Variants in LEPR observed in about 807,000 individuals in gnomAD.
LEPR encodes OB receptor.
In LEPR, 56 loss-of-function variants were observed where a neutral mutation model predicts 114.7. The observed-to-expected ratio is 0.49, with a 90% CI of 0.39 to 0.61. The LOEUF (loss-of-function observed/expected upper bound fraction) is 0.61. Ranked by LOEUF, LEPR falls within the 20% of genes least tolerant of loss-of-function variation. The pLI is 0.00. For synonymous variants in LEPR, 443 were observed against 461.4 expected, an observed-to-expected ratio of 0.96 and a Z score of 0.51; for missense variants, 1,202 against 1,352.9, an observed-to-expected ratio of 0.89 and a Z score of 1.75.
At chr1:65,635,473 AT>A (rs34778114) in intron 19 of LEPR, 1 of 694,880 alleles carries the variant, frequency 1.4e-6, no homozygotes, top group Non-Finnish European at 1.8e-6. Flanking sequence ...CATAGTAAAT[AT>A]TTTTACGTGA....
intron 19 of LEPR, chr1:65,629,261 A>G: frequency 3.0e-6 from 1 of 330,008 alleles, no homozygotes. Context: ...AAACATTAGC[A>G]CTCTTACGCT....
intron 2 of LEPR, among the ~76,000 whole-genome samples, chr1:65,503,489 T>C (rs1220755838): frequency 6.6e-6 from 1 of 150,774 alleles, no homozygotes; most frequent in Non-Finnish European, 1.5e-5. Flanking sequence ...AATAATTGTA[T>C]GTAAGCACGG....
At chr1:65,620,462 G>A (rs1276634178) in intron 17 of LEPR, among the ~76,000 whole-genome samples, 3 of 152,170 alleles carry the variant, frequency 2.0e-5, no homozygotes, top group African/African-American at 7.2e-5. Context: ...ATAAGTTTCT[G>A]CCCTTATGGA....
rs1192509977 is a variant in LEPR at position 65,601,439 on chromosome 1, G to A, written c.1042G>A (p.Val348Ile). 1 of 1,613,386 alleles carries A rather than the reference G, an allele frequency of 6.2e-7. No homozygotes were observed. The highest frequency in any genetic ancestry group is 8.5e-7 in the Non-Finnish European group (1 of 1,179,656). ...AATTCTGACAAGTGTTGGGTCTAAT[G>A]TTTCTTTTCACTGCATCTATAAGAA... ...PKILTSVGSN[V>I]SFHCIYKKEN... Residue 348 changes from valine to isoleucine, a missense_variant, in exon 9 of 20, where the codon GTT becomes ATT. Coordinates refer to ENST00000349533, the MANE Select transcript of LEPR (RefSeq NM_002303.6).
Position 65,639,868 on chromosome 1 carries a change from C to T in LEPR, c.*2853C>T, listed in dbSNP as rs1040411435. On this transcript the variant is annotated 3_prime_UTR_variant, in exon 20 of 20. Coordinates refer to ENST00000349533, the MANE Select transcript of LEPR (RefSeq NM_002303.6). ...CCCCCAAGAACAATGAAAAAGTTGA[C>T]GTACATGTCACTATGAATAGGCACC... The T allele has an allele frequency of 3.9e-5, 6 of 151,992 alleles. No individual in the cohort carries two copies. Among genetic ancestry groups the T allele is most frequent in the Non-Finnish European group, 7.4e-5 (5 of 68,000 alleles). The allele number at this position is 151,992 out of a possible 1,614,324, so 9.4% of individuals were successfully genotyped here.
At chr1:65,565,896 C>T (rs1653717338) in intron 3 of LEPR, among the ~76,000 whole-genome samples, 1 of 152,078 alleles carries the variant, frequency 6.6e-6, no homozygotes, top group African/African-American at 2.4e-5. Flanking sequence ...CACACACATA[C>T]ACAGACACAC....
At chr1:65,460,475 T>C (rs1646931121) in intron 2 of LEPR, among the ~76,000 whole-genome samples, 1 of 152,230 alleles carries the variant, frequency 6.6e-6, no homozygotes, top group African/African-American at 2.4e-5. Context: ...CTCTACTGTG[T>C]GTGCATAGAT....
At chr1:65,535,127 CATATT>C (rs775766914) in intron 2 of LEPR, among the ~76,000 whole-genome samples, 86 of 151,974 alleles carry the variant, frequency 5.7e-4, no homozygotes, top group Non-Finnish European at 1.0e-3. Context: ...GATAAACACA[CATATT>C]ATATGCATGT....
At position 65,637,349 on chromosome 1, in the gene LEPR, G is replaced by T. The variant is rs1658752588; in HGVS notation, c.*334G>T. On this transcript the variant is annotated 3_prime_UTR_variant, in exon 20 of 20. Transcript: ENST00000349533. Reference sequence around the variant, plus strand: ...GCGTGTTGTTTTACCTCAAGTTTTTGTTTTGTACCAACACACACACACACA... The same window carrying T: ...GCGTGTTGTTTTACCTCAAGTTTTTTTTTTGTACCAACACACACACACACA... 4.7e-6 allele frequency: 1 copy of T among 210,880 alleles called. No homozygotes were observed. Among genetic ancestry groups the T allele is most frequent in the Non-Finnish European group, 9.0e-6 (1 of 110,714 alleles). 13.1% of individuals were successfully genotyped at this position (210,880 alleles called of 1,614,324 possible).
At chr1:65,421,666 G>A (rs530274975) in intron 1 of LEPR, among the ~76,000 whole-genome samples, 3 of 152,260 alleles carry the variant, frequency 2.0e-5, no homozygotes, top group Non-Finnish European at 2.9e-5. Flanking sequence ...ACATTTTATC[G>A]TTATTTCTGG....
chr1:65,604,606 C>T (rs764516434), intron 10 of LEPR, among the ~76,000 whole-genome samples: 5 of 152,158 alleles, frequency 3.3e-5, no homozygotes, highest in Admixed American at 2.0e-4. Flanking sequence ...CATGAGCCAC[C>T]GCACCGGGCC....
At chr1:65,425,141 C>T (rs933211861) in intron 1 of LEPR, among the ~76,000 whole-genome samples, 162 bp from the exon 2 acceptor site, 2 of 151,892 alleles carry the variant, frequency 1.3e-5, no homozygotes, top group African/African-American at 4.8e-5. Flanking sequence ...TTAGTATATT[C>T]AGAAGGTTAT....
chr1:65,448,642 C>A (rs1215212754), intron 2 of LEPR, among the ~76,000 whole-genome samples: 1 of 152,170 alleles, frequency 6.6e-6, no homozygotes, highest in East Asian at 1.9e-4. Flanking sequence ...GTGAAACTAT[C>A]TAGGCCTTGT....
chr1:65,605,481 T>C (rs1405452606), intron 11 of LEPR, among the ~76,000 whole-genome samples: 1 of 152,310 alleles, frequency 6.6e-6, no homozygotes, highest in South Asian at 2.1e-4. Context: ...TTAGATGAAA[T>C]ACATGGGTCA....
At chr1:65,580,622 C>T (rs907617090) in intron 5 of LEPR, among the ~76,000 whole-genome samples, 1 of 152,132 alleles carries the variant, frequency 6.6e-6, no homozygotes, top group Non-Finnish European at 1.5e-5. Context: ...TTATTAGGTG[C>T]CTACTGTGTG....
At chr1:65,435,007 G>T (rs55655800) in intron 2 of LEPR, 62,011 of 985,304 alleles carry the variant, frequency 0.063, 2,339 homozygotes, top group African/African-American at 0.16. Context: ...CTGCACCTGC[G>T]TTTTTAGAGA....
chr1:65,517,534 G>T (rs1176810271), intron 2 of LEPR, among the ~76,000 whole-genome samples: 1 of 152,228 alleles, frequency 6.6e-6, no homozygotes, highest in African/African-American at 2.4e-5. Flanking sequence ...GGAAGAATTG[G>T]TCATGTTCTA....
chr1:65,531,104 ACCTGATCATTCTGCTTG>A (rs1650363782), intron 2 of LEPR, among the ~76,000 whole-genome samples: 1 of 152,100 alleles, frequency 6.6e-6, no homozygotes, highest in Non-Finnish European at 1.5e-5. Context: ...CCAAGGCCCT[ACCTGATCATTCTGCTTG>A]CCACTTTACC....
Position 65,420,681 on chromosome 1 carries a change from C to G in LEPR, c.-156C>G. 6.4e-7 allele frequency: 1 copy of G among 1,566,182 alleles called. No individual in the cohort carries two copies. Among genetic ancestry groups the G allele is most frequent in the Non-Finnish European group, 8.6e-7 (1 of 1,157,330 alleles). On this transcript the variant is annotated 5_prime_UTR_variant, in exon 1 of 20. Transcript: ENST00000349533. ...TCTGGCTTGGGCAGGCTGCCCGGGC[C>G]GTGGCAGGAAGCCGGAAGCAGCCGC...
Sources: allele counts gnomAD v4.1 joint callset (sites outside exome capture counted in the v4.1 genomes callset), GRCh38; gene constraint gnomAD v4.1.1; transcripts MANE v1.5; gene names NCBI Gene and HGNC (gene_info 2026-07-23, HGNC 2026-07-21).